Variants in RAI1 observed in about 807,000 individuals in gnomAD.
RAI1 encodes retinoic acid induced 1.
In RAI1, 9 loss-of-function variants were observed where a neutral mutation model predicts 123.8. The observed-to-expected ratio is 0.07, with a 90% CI of 0.04 to 0.13. The LOEUF (loss-of-function observed/expected upper bound fraction) is 0.13, where lower values mean the gene tolerates loss of function less well. RAI1 is among the 10% of genes least tolerant of loss of function. The probability of loss-of-function intolerance (pLI) is 1.00; values close to 1 mark genes in which losing one functional copy is unlikely to be tolerated. For synonymous variants in RAI1, 1,231 were observed against 1,127.3 expected, an observed-to-expected ratio of 1.09 and a Z score of -1.84; for missense variants, 2,256 against 2,545.8, an observed-to-expected ratio of 0.89 and a Z score of 2.45.
chr17:17,698,004 T>C lies in RAI1; in HGVS notation c.-149+16211T>C, dbSNP rs1264438316. Among the ~76,000 whole-genome samples the C allele has an allele frequency of 2.6e-5, 4 of 152,194 alleles. No homozygotes were observed. The East Asian group carries it at 5.8e-4, about 22-fold the overall frequency. ...GGGCATCTGCTTTTCCATCCGGCCC[T>C]GGGTGAGCACTGACAACACCTGACT... On this transcript the variant is annotated intron_variant, in intron 1 of 5. Transcript: ENST00000353383.
chr17:17,773,453 A>G (rs753644570), intron 2 of RAI1, among the ~76,000 whole-genome samples: 7 of 152,266 alleles, frequency 4.6e-5, no homozygotes, highest in South Asian at 2.1e-4. Context: ...ATCCTTGCCC[A>G]GGTAGCAGAC....
chr17:17,682,629 G>C (rs960611383), intron 1 of RAI1: 3 of 152,252 alleles, frequency 2.0e-5, no homozygotes, highest in African/African-American at 7.2e-5. Context: ...CAGGACGCGA[G>C]GGTGACATTT....
chr17:17,768,068 G>C (rs2031008795), intron 2 of RAI1, among the ~76,000 whole-genome samples: 1 of 152,218 alleles, frequency 6.6e-6, no homozygotes, highest in African/African-American at 2.4e-5. Context: ...TCAGTAAAGA[G>C]GAACTGTTGC....
chr17:17,760,260 T>G (rs1449767430), intron 2 of RAI1, among the ~76,000 whole-genome samples: 6 of 151,936 alleles, frequency 3.9e-5, no homozygotes, highest in South Asian at 2.1e-4. Context: ...TTTACTGATA[T>G]CCCCCACCTC....
intron 2 of RAI1, among the ~76,000 whole-genome samples, chr17:17,750,689 CAAAAAAAAAAAA>C (rs57637022): frequency 2.6e-4 from 21 of 79,776 alleles, no homozygotes; most frequent in African/African-American, 1.1e-3. Context: ...TACTCCGTCT[CAAAAAAAAAAAA>C]AAAAAAAAAA....
intron 1 of RAI1, among the ~76,000 whole-genome samples, chr17:17,719,194 G>A (rs1033751271): frequency 6.6e-6 from 1 of 152,114 alleles, no homozygotes; most frequent in Non-Finnish European, 1.5e-5. Flanking sequence ...AAGGGAAAGC[G>A]TGTCCCATCC....
chr17:17,682,874 T>C (rs886277247), intron 1 of RAI1, among the ~76,000 whole-genome samples: 1 of 151,910 alleles, frequency 6.6e-6, no homozygotes, highest in Non-Finnish European at 1.5e-5. Context: ...CCTCGGGCTC[T>C]GAATGGATGG....
chr17:17,696,354 AC>A (rs1278326903), intron 1 of RAI1, among the ~76,000 whole-genome samples: 2 of 151,598 alleles, frequency 1.3e-5, no homozygotes, highest in Non-Finnish European at 2.9e-5. Context: ...AAAAAAATTC[AC>A]CCGTACTCTC....
rs1429295079 is a variant in RAI1, at chr17:17,795,860, C to T, written c.2912C>T (p.Ser971Phe). Residue 971 changes from serine (S) to phenylalanine (F), a missense_variant, in exon 3 of 6, where the codon TCT becomes TTT. Coordinates refer to ENST00000353383, the MANE Select transcript of RAI1 (RefSeq NM_030665.4). This position sits in a 1 kb window ranked among gnomAD's most constrained non-coding sequence, Gnocchi z 5.9. ...GGGGATTCCACCACCTCGGACGCCT[C>T]TCTGGCCCAGAAGCCCAACAAGCCT... ...APGDSTTSDASLAQKPNKPAV... is the reference protein window; with the variant it reads ...APGDSTTSDAFLAQKPNKPAV... 8.7e-6 allele frequency: 14 copies of T among 1,612,922 alleles called. No homozygotes were observed. Among genetic ancestry groups the T allele is most frequent in the Non-Finnish European group, 1.2e-5 (14 of 1,180,012 alleles).
intron 2 of RAI1, among the ~76,000 whole-genome samples, chr17:17,737,108 TG>T (rs1469892330): frequency 6.6e-6 from 1 of 152,140 alleles, no homozygotes; most frequent in Admixed American, 6.5e-5. Context: ...ATTTTGGAGC[TG>T]GGGAATTTCT....
intron 2 of RAI1, among the ~76,000 whole-genome samples, chr17:17,736,046 G>A (rs1008886813): frequency 6.6e-6 from 1 of 152,152 alleles, no homozygotes; most frequent in Admixed American, 6.5e-5. Flanking sequence ...GTACTTGTGC[G>A]GGTGGGGCTT....
At chr17:17,723,764 G>T (rs1752855224) in intron 1 of RAI1, among the ~76,000 whole-genome samples, 1 of 146,890 alleles carries the variant, frequency 6.8e-6, no homozygotes, top group Admixed American at 6.7e-5. Flanking sequence ...CTCATCGCGC[G>T]CCCCTCCCCG....
chr17:17,792,365 G>A (rs1307661289), intron 2 of RAI1, among the ~76,000 whole-genome samples: 1 of 152,142 alleles, frequency 6.6e-6, no homozygotes, highest in Non-Finnish European at 1.5e-5. Context: ...ATATGCTTGT[G>A]TGCACGCATG....
At chr17:17,783,744 C>G (rs901996959) in intron 2 of RAI1, among the ~76,000 whole-genome samples, 9 of 151,556 alleles carry the variant, frequency 5.9e-5, no homozygotes, top group Non-Finnish European at 1.3e-4. Flanking sequence ...CCCGGTGACC[C>G]CCCTCCACCT....
At chr17:17,694,731 A>G (rs1914955839) in intron 1 of RAI1, among the ~76,000 whole-genome samples, 1 of 150,272 alleles carries the variant, frequency 6.7e-6, no homozygotes, top group Admixed American at 6.6e-5. Flanking sequence ...GGGGCCCGGG[A>G]CCTTCGGGGC....
chr17:17,758,825 T>C (rs75477058), intron 2 of RAI1, among the ~76,000 whole-genome samples: 1,538 of 152,204 alleles, frequency 0.01, 18 homozygotes, highest in South Asian at 0.029. Flanking sequence ...AGGGTCTGTG[T>C]GTTCTGGACA....
chr17:17,711,946 G>A (rs1052065053), intron 1 of RAI1, among the ~76,000 whole-genome samples: 2 of 152,332 alleles, frequency 1.3e-5, no homozygotes, highest in Middle Eastern at 3.4e-3. Flanking sequence ...CGCGGTGTCC[G>A]GCCCTGATGA....
chr17:17,802,211 G>A (rs1454811346), intron 3 of RAI1: 1 of 467,376 alleles, frequency 2.1e-6, no homozygotes, highest in African/African-American at 2.0e-5. Context: ...ACAGTTTTGA[G>A]ACTTAGAGGA....
rs757231723 is a variant in RAI1 at position 17,793,787 on chromosome 17, AGCAGCAGCAGCAGCAG to A, written c.840_855del (p.Gln280HisfsTer79). 2.6e-5 allele frequency: 40 copies of A among 1,515,556 alleles called. No homozygotes were observed. Among genetic ancestry groups the A allele is most frequent in the Admixed American group, 2.1e-4 (12 of 57,352 alleles). The allele number at this position is 1,515,556 out of a possible 1,614,324, so 93.9% of individuals were successfully genotyped here. The stretch of plus-strand genomic sequence containing the variant: ...GGCCGCCTCAGCTATGACCAGCAGC[AGCAGCAGCAGCAGCAG>A]CAGCAGCAGCAGCAGCAAGCCCTTC... On this transcript the variant is annotated frameshift_variant, in exon 3 of 6. Coordinates refer to ENST00000353383, the MANE Select transcript of RAI1 (RefSeq NM_030665.4). LOFTEE classifies it high-confidence loss of function.
Sources: gnomAD v4.1 joint callset for allele counts (sites outside exome capture counted in the v4.1 genomes callset) on GRCh38, gnomAD v4.1.1 for gene constraint, Gnocchi (gnomAD v3.1) non-coding constraint, MANE v1.5 for transcripts, NCBI Gene and HGNC (gene_info 2026-07-23, HGNC 2026-07-21) for gene names.